TMSB15B: variants seen among roughly 807,000 people sequenced by gnomAD.
TMSB15B encodes the protein thymosin beta-15B.
chrX:103,941,784 C>T (rs1556325235), intron 1 of TMSB15B, among the ~76,000 whole-genome samples: 1 of 112,073 alleles, frequency 8.9e-6, no homozygotes, highest in Non-Finnish European at 1.9e-5. Context: ...CACCTGCTGG[C>T]CAACACTTGG....
chrX:103,944,243 A>G (rs1556326522), intron 1 of TMSB15B, among the ~76,000 whole-genome samples: 6 of 112,398 alleles, frequency 5.3e-5, no homozygotes, highest in Admixed American at 1.9e-4. Context: ...TGGATAAAAT[A>G]GAGGTACCAT....
At chrX:103,926,738 C>A (rs1380651495) in intron 1 of TMSB15B, among the ~76,000 whole-genome samples, 1 of 110,472 alleles carries the variant, frequency 9.1e-6, no homozygotes, top group Non-Finnish European at 1.9e-5. Flanking sequence ...GGCCTGCTAG[C>A]TTAATTAGAG....
At chrX:103,929,493 C>G (rs782542415) in intron 1 of TMSB15B, among the ~76,000 whole-genome samples, 3 of 110,908 alleles carry the variant, frequency 2.7e-5, no homozygotes, top group African/African-American at 9.8e-5. Context: ...TGATATTGTT[C>G]ACTGCCTCTA....
chrX:103,933,074 A>G (rs1488439671), intron 1 of TMSB15B, among the ~76,000 whole-genome samples: 1 of 112,005 alleles, frequency 8.9e-6, no homozygotes, highest in Non-Finnish European at 1.9e-5. Context: ...TATTTAGACA[A>G]TTTTGCTTTT....
At chrX:103,935,741 C>T (rs2074995881) in intron 1 of TMSB15B, among the ~76,000 whole-genome samples, 1 of 110,566 alleles carries the variant, frequency 9.0e-6, no homozygotes, top group Non-Finnish European at 1.9e-5. Context: ...GTTACTGTGG[C>T]CTCGTAGTAT....
chrX:103,935,536 G>A (rs1429243558), intron 1 of TMSB15B, among the ~76,000 whole-genome samples: 7 of 111,541 alleles, frequency 6.3e-5, no homozygotes, highest in Non-Finnish European at 9.4e-5. Context: ...TAAGGAAAGG[G>A]TCCAGTTTCA....
intron 1 of TMSB15B, among the ~76,000 whole-genome samples, chrX:103,935,127 C>T (rs181997399): frequency 8.9e-5 from 10 of 112,167 alleles, no homozygotes; most frequent in African/African-American, 2.9e-4. Context: ...GTTTGTTGGC[C>T]GCATAAATGT....
intron 1 of TMSB15B, among the ~76,000 whole-genome samples, chrX:103,934,497 C>T (rs782477986): frequency 2.7e-5 from 3 of 110,371 alleles, no homozygotes; most frequent in Non-Finnish European, 3.8e-5. Flanking sequence ...CCTTGCCCCC[C>T]GCTCCCAGAC....
intron 1 of TMSB15B, among the ~76,000 whole-genome samples, chrX:103,936,127 T>A (rs1602438497): frequency 9.0e-6 from 1 of 111,371 alleles, no homozygotes; most frequent in East Asian, 2.8e-4. Context: ...ATTACAGGCA[T>A]GAGTCACCGC....
At chrX:103,954,015 G>T (rs1397486312) in intron 1 of TMSB15B, among the ~76,000 whole-genome samples, 2 of 111,659 alleles carry the variant, frequency 1.8e-5, no homozygotes, top group East Asian at 5.6e-4. Context: ...CCTGGATTGG[G>T]CTTACAGCAC....
intron 1 of TMSB15B, among the ~76,000 whole-genome samples, chrX:103,955,040 C>T (rs782665259): frequency 9.0e-6 from 1 of 111,422 alleles, no homozygotes; most frequent in South Asian, 3.8e-4. Flanking sequence ...GGGAGCTGAA[C>T]ATTGGCCCCC....
intron 1 of TMSB15B, among the ~76,000 whole-genome samples, chrX:103,934,631 G>T (rs1991527614): frequency 9.0e-6 from 1 of 111,068 alleles, no homozygotes; most frequent in African/African-American, 3.3e-5. Context: ...GAGAATGATG[G>T]TTTCCAGCTT....
At chrX:103,949,645 A>G (rs1556327976) in intron 1 of TMSB15B, among the ~76,000 whole-genome samples, 1 of 112,373 alleles carries the variant, frequency 8.9e-6, no homozygotes, top group Non-Finnish European at 1.9e-5. Context: ...AGAACAGATC[A>G]GGAGTTCTGC....
In TMSB15B at chrX:103,939,045, C is replaced by T. The variant is rs1394261399; in HGVS notation, c.-721+19753C>T. On this transcript the variant is annotated intron_variant, in intron 1 of 3. Coordinates refer to the TMSB15B transcript ENST00000419165. ...TTTGTTGTTAGTCTAATGGGCTTCC[C>T]TTTGTGGGTAACTTGACCTTTCTCT... Among the ~76,000 whole-genome samples, 3 of 112,076 alleles carry T rather than the reference C, an allele frequency of 2.7e-5. No homozygotes were observed. The Admixed American group carries it at 2.8e-4, about 11-fold the overall frequency.
At chrX:103,919,810 C>T (rs1345858574) in intron 1 of TMSB15B, among the ~76,000 whole-genome samples, 2 of 112,213 alleles carry the variant, frequency 1.8e-5, no homozygotes. Context: ...CACTGTATCC[C>T]GCAGCAAAGA....
intron 1 of TMSB15B, among the ~76,000 whole-genome samples, chrX:103,922,595 C>T (rs1247954393): frequency 9.0e-6 from 1 of 111,086 alleles, no homozygotes; most frequent in East Asian, 2.8e-4. Context: ...TTTTCTTAAT[C>T]CAGTCTATTA....
At position 103,928,661 on chromosome X, in the gene TMSB15B, G is replaced by T. The variant is rs1230632576; in HGVS notation, c.-721+9369G>T. On this transcript the variant is annotated intron_variant, in intron 1 of 3. Coordinates refer to the TMSB15B transcript ENST00000419165. ...GTCCTGGCCAGGAACAGCCTGGGGA[G>T]CACTCTATATTTTTCTTTCCAGGAC... is the stretch of plus-strand genomic sequence containing the variant. 17 of 1,153,324 alleles carry T rather than the reference G, an allele frequency of 1.5e-5. No homozygotes were observed. The African/African-American group carries it at 3.0e-4, about 21-fold the overall frequency.
intron 1 of TMSB15B, among the ~76,000 whole-genome samples, chrX:103,927,151 T>C (rs1377359731): frequency 8.1e-5 from 9 of 111,292 alleles, no homozygotes; most frequent in African/African-American, 2.9e-4. Context: ...TTGCACTGCC[T>C]ATTCTATCTA....
At chrX:103,953,571 T>C (rs1379531649) in intron 1 of TMSB15B, among the ~76,000 whole-genome samples, 2 of 112,958 alleles carry the variant, frequency 1.8e-5, no homozygotes, top group East Asian at 2.8e-4. Flanking sequence ...CCATGTTTAC[T>C]GTTTGGGTGA....
Sources: gnomAD v4.1 joint callset for allele counts (sites outside exome capture counted in the v4.1 genomes callset) on GRCh38, gnomAD v4.1.1 for gene constraint, MANE v1.5 for transcripts, NCBI Gene and HGNC (gene_info 2026-07-23, HGNC 2026-07-21) for gene names.